C1QTNF2: variants seen among roughly 807,000 people sequenced by gnomAD.
The protein encoded by C1QTNF2 is C1q and TNF related 2.
Under a neutral mutation model 17.4 loss-of-function variants are expected in C1QTNF2, and 15 were observed. The observed-to-expected ratio is 0.86, with a 90% confidence interval of 0.58 to 1.33. The LOEUF (loss-of-function observed/expected upper bound fraction) is 1.33, where lower values mean the gene tolerates loss of function less well. Ranked by LOEUF, C1QTNF2 falls within the 40% of genes most tolerant of loss-of-function variation. C1QTNF2 has a pLI of 0.00. For missense variants in C1QTNF2, 381 were observed against 392.3 expected (o/e 0.97, Z 0.24); for synonymous variants, 154 against 163.3 (o/e 0.94, Z 0.44).
rs1763884201 is a variant in C1QTNF2 at position 160,349,886 on chromosome 5, TAGAA to T, written c.245-109_245-106del. 14 of 1,332,530 alleles carry T rather than the reference TAGAA, an allele frequency of 1.1e-5. No individual in the cohort carries two copies. Among genetic ancestry groups the T allele is most frequent in the South Asian group, 3.1e-5 (2 of 63,858 alleles). The allele number at this position is 1,332,530 out of a possible 1,614,324, so 82.5% of individuals were successfully genotyped here. ...TCTTGGAGAAGGAGTGCTTGGGTAA[TAGAA>T]AGAACAAGAAGGCTTTGCAGACATA... On this transcript the variant is annotated intron_variant, in intron 2 of 2. Transcript: ENST00000652664. This position sits in a 1 kb window ranked among gnomAD's most constrained non-coding sequence, Gnocchi z 4.3.
intron 1 of C1QTNF2, 156 bp from the exon 2 acceptor site, chr5:160,355,176 G>A: frequency 2.0e-6 from 2 of 976,960 alleles, no homozygotes; most frequent in Non-Finnish European, 2.4e-6. Flanking sequence ...GATGTGATGT[G>A]GACAGAGTCG....
In C1QTNF2 at chr5:160,349,798, C is replaced by T; in HGVS notation, c.245-17G>A. The stretch of plus-strand genomic sequence containing the variant: ...CAGGTGGACCTGGAAGACAGAGCAG[C>T]TGGTGTTATGGAGGGTCCTCACAGA... On this transcript the variant is annotated splice_polypyrimidine_tract_variant and intron_variant, in intron 2 of 2. Transcript: ENST00000652664. The surrounding 1 kb of genome is among the most constrained non-coding windows in gnomAD (Gnocchi z 4.3). 1 of 1,514,692 alleles carries T rather than the reference C, an allele frequency of 6.6e-7. No individual in the cohort carries two copies. Among genetic ancestry groups the T allele is most frequent in the Non-Finnish European group, 8.8e-7 (1 of 1,142,758 alleles). The allele number at this position is 1,514,692 out of a possible 1,614,324, so 93.8% of individuals were successfully genotyped here.
At chr5:160,362,109 G>A (rs1225725598) in intron 1 of C1QTNF2, among the ~76,000 whole-genome samples, 2 of 152,138 alleles carry the variant, frequency 1.3e-5, no homozygotes, top group African/African-American at 4.8e-5. Flanking sequence ...ATCCAGGGTG[G>A]TCATAGGAGA....
At chr5:160,364,080 T>G (rs968658260) in intron 1 of C1QTNF2, among the ~76,000 whole-genome samples, 5 of 152,384 alleles carry the variant, frequency 3.3e-5, no homozygotes, top group South Asian at 4.1e-4. Flanking sequence ...TATTTAGCCC[T>G]TGATTTCCCA....
chr5:160,354,671 GA>G, intron 2 of C1QTNF2, 96 bp downstream of exon 2: 1 of 1,139,488 alleles, frequency 8.8e-7, no homozygotes, highest in Non-Finnish European at 1.2e-6. Context: ...TTATAATGAA[GA>G]GGATTAATAC....
intron 1 of C1QTNF2, among the ~76,000 whole-genome samples, chr5:160,368,309 G>A (rs918417691): frequency 1.4e-4 from 21 of 152,082 alleles, no homozygotes; most frequent in African/African-American, 2.7e-4. Context: ...CGAGGCGGGC[G>A]GATCACAAGA....
At chr5:160,351,362 A>ACC (rs1763919228) in intron 2 of C1QTNF2, among the ~76,000 whole-genome samples, 3 of 152,248 alleles carry the variant, frequency 2.0e-5, no homozygotes, top group Non-Finnish European at 4.4e-5. Flanking sequence ...GAACCATATG[A>ACC]ACTGGGTCAA....
At chr5:160,357,687 T>G (rs4585495) in intron 1 of C1QTNF2, among the ~76,000 whole-genome samples, 146,568 of 152,340 alleles carry the variant, frequency 0.96, 70,536 homozygotes, top group East Asian at 1. Context: ...AAGGAGGGAG[T>G]AAGTGGAAGC....
intron 2 of C1QTNF2, among the ~76,000 whole-genome samples, chr5:160,353,398 T>C (rs917186749): frequency 1.3e-5 from 2 of 152,200 alleles, no homozygotes; most frequent in African/African-American, 4.8e-5. Flanking sequence ...GCCGTCTGCC[T>C]GGCATCCCTT....
At position 160,369,018 on chromosome 5, in the gene C1QTNF2, C is replaced by T. The variant is rs140376591; in HGVS notation, c.-10+1494G>A. 3.5e-3 allele frequency among the ~76,000 whole-genome samples: 529 copies of T among 150,572 alleles called. 6 individuals carry two copies. The highest frequency in any genetic ancestry group is 0.012 in the African/African-American group (501 of 40,796). ...AAGACACACTGTTAAGTGAAAAAAGCAAGTTGTACCATGGAATGTAAAGTA... is the reference window on the plus strand; with the variant it reads ...AAGACACACTGTTAAGTGAAAAAAGTAAGTTGTACCATGGAATGTAAAGTA... On this transcript the variant is annotated intron_variant, in intron 1 of 2. Coordinates refer to ENST00000652664, the MANE Select transcript of C1QTNF2 (RefSeq NM_031908.6).
intron 1 of C1QTNF2, among the ~76,000 whole-genome samples, chr5:160,366,703 T>G (rs957593942): frequency 1.3e-5 from 2 of 152,188 alleles, no homozygotes; most frequent in African/African-American, 4.8e-5. Flanking sequence ...AGTCATTCAG[T>G]GATTAGCTTT....
intron 2 of C1QTNF2, 27 bp downstream of exon 2, chr5:160,354,741 C>T (rs573301508): frequency 8.6e-5 from 138 of 1,612,912 alleles, no homozygotes; most frequent in Non-Finnish European, 1.0e-4. Context: ...CAGGTGGGAA[C>T]GAGAGTGGCA....
intron 2 of C1QTNF2, among the ~76,000 whole-genome samples, chr5:160,351,870 G>T (rs913517814): frequency 1.3e-5 from 2 of 150,176 alleles, no homozygotes; most frequent in African/African-American, 4.9e-5. Context: ...TAAACAAAAG[G>T]TGGGAAAAGG....
Sources: allele counts gnomAD v4.1 joint callset (sites outside exome capture counted in the v4.1 genomes callset), GRCh38; gene constraint gnomAD v4.1.1; non-coding constraint Gnocchi (gnomAD v3.1); transcripts MANE v1.5; gene names NCBI Gene and HGNC (gene_info 2026-07-23, HGNC 2026-07-21).